The following ATAD2 variants were observed in gnomAD, a reference collection of about 807,000 sequenced individuals.
ATAD2 encodes ATPase family AAA domain containing 2.
ATAD2 carries 62 observed loss-of-function variants against 168.9 expected under a neutral mutation model. That is an observed-to-expected ratio of 0.37 (90% CI 0.30 to 0.45). The LOEUF (loss-of-function observed/expected upper bound fraction) is 0.45. Ranked by LOEUF, ATAD2 falls within the 20% of genes least tolerant of loss-of-function variation. The pLI, the probability that ATAD2 is intolerant of heterozygous loss-of-function variation, is 1.00. For missense variants in ATAD2, 1,419 were observed against 1,667.8 expected, an observed-to-expected ratio of 0.85 and a Z score of 2.60; for synonymous variants, 613 against 571.6, an observed-to-expected ratio of 1.07 and a Z score of -1.03.
At chr8:123,397,597 T>C (rs1377441629), upstream of ATAD2, among the ~76,000 whole-genome samples, 6 of 152,226 alleles carry the variant, frequency 3.9e-5, no homozygotes, top group African/African-American at 1.4e-4. Flanking sequence ...TTGATTTGGA[T>C]AACTACAGTT....
chr8:123,329,904 T>C (rs1827728920), intron 24 of ATAD2, among the ~76,000 whole-genome samples: 1 of 151,702 alleles, frequency 6.6e-6, no homozygotes, highest in African/African-American at 2.4e-5. Flanking sequence ...GCAGTAGTCC[T>C]GGAAAGAAGT....
chr8:123,365,611 CAG>C (rs1256328415), intron 8 of ATAD2, among the ~76,000 whole-genome samples: 2 of 152,064 alleles, frequency 1.3e-5, no homozygotes, highest in Admixed American at 6.6e-5. Flanking sequence ...ATAGAGAACT[CAG>C]AAATAAAATC....
intron 7 of ATAD2, 126 bp downstream of exon 7, chr8:123,369,695 C>T (rs1277849435): frequency 5.1e-6 from 4 of 781,334 alleles, no homozygotes; most frequent in Non-Finnish European, 8.1e-6. Context: ...GTAAAGACAA[C>T]AGTAATGAGT....
At chr8:123,334,654 T>C (rs1486192292) in intron 22 of ATAD2, among the ~76,000 whole-genome samples, 1 of 152,134 alleles carries the variant, frequency 6.6e-6, no homozygotes, top group African/African-American at 2.4e-5. Context: ...ATCAGTGTCA[T>C]TAGTGAACAA....
At chr8:123,344,779 C>G (rs1204603516) in intron 19 of ATAD2, 105 bp downstream of exon 19, 3 of 1,262,416 alleles carry the variant, frequency 2.4e-6, no homozygotes, top group Non-Finnish European at 2.3e-6. Flanking sequence ...AAAACTTATC[C>G]TTTTATTCAC....
chr8:123,371,615 C>A (rs1457870008), intron 4 of ATAD2, 55 bp downstream of exon 4: 2 of 1,482,280 alleles, frequency 1.3e-6, no homozygotes, highest in Non-Finnish European at 1.8e-6. Flanking sequence ...TGATTCCTCC[C>A]CAACAAAAAG....
intron 1 of ATAD2, among the ~76,000 whole-genome samples, chr8:123,387,300 T>C (rs1426305671): frequency 1.3e-5 from 2 of 152,156 alleles, no homozygotes; most frequent in African/African-American, 4.8e-5. Flanking sequence ...GAATGTATTA[T>C]ATTTAGGTTG....
Position 123,396,385 on chromosome 8 carries a change from G to A in ATAD2, c.-28C>T, listed in dbSNP as rs760632038. Reference sequence around the variant, plus strand: ...TCTCTCCCTACTGGCCTCGGCGTGCGCGACCGGAGAGAGATCCAGCTCCAG... The same window carrying A: ...TCTCTCCCTACTGGCCTCGGCGTGCACGACCGGAGAGAGATCCAGCTCCAG... On this transcript the variant is annotated 5_prime_UTR_variant, in exon 1 of 28. Coordinates refer to ENST00000287394, the MANE Select transcript of ATAD2 (RefSeq NM_014109.4). The A allele has an allele frequency of 2.9e-5, 45 of 1,542,380 alleles. No individual in the cohort carries two copies. In the East Asian group the frequency reaches 4.3e-4, roughly 15 times the overall value.
At chr8:123,383,546 C>T (rs1429969692) in intron 1 of ATAD2, among the ~76,000 whole-genome samples, 4 of 150,180 alleles carry the variant, frequency 2.7e-5, no homozygotes, top group South Asian at 4.2e-4. Flanking sequence ...CCGAGGCTGG[C>T]GGATCACCTG....
chr8:123,344,754 G>C (rs780331292), intron 19 of ATAD2, 130 bp downstream of exon 19: 1 of 971,536 alleles, frequency 1.0e-6, no homozygotes, highest in Non-Finnish European at 1.6e-6. Context: ...AGTTACCAAT[G>C]GTATATTTGA....
chr8:123,338,611 T>C (rs1198312857), intron 20 of ATAD2, among the ~76,000 whole-genome samples: 1 of 152,198 alleles, frequency 6.6e-6, no homozygotes, highest in African/African-American at 2.4e-5. Context: ...AGAGGCATAA[T>C]TATATCATTG....
intron 11 of ATAD2, 39 bp downstream of exon 11, chr8:123,359,182 A>G: frequency 1.4e-6 from 2 of 1,452,566 alleles, no homozygotes; most frequent in Non-Finnish European, 1.9e-6. Flanking sequence ...CAAGAATAGC[A>G]AAGATTTTCA....
Position 123,396,418 on chromosome 8 carries a change from C to T in ATAD2, c.-61G>A. The stretch of plus-strand genomic sequence containing the variant: ...AGAGAGATCCAGCTCCAGGCGCTCG[C>T]AGCTCTGGCTCTTCCGCGCTCCGAA... On this transcript the variant is annotated 5_prime_UTR_variant, in exon 1 of 28. Coordinates refer to ENST00000287394, the MANE Select transcript of ATAD2 (RefSeq NM_014109.4). 3 of 1,446,342 alleles carry T rather than the reference C, an allele frequency of 2.1e-6. No individual in the cohort carries two copies. Among genetic ancestry groups the T allele is most frequent in the Admixed American group, 2.5e-5 (1 of 40,342 alleles). The allele number at this position is 1,446,342 out of a possible 1,614,324, so 89.6% of individuals were successfully genotyped here.
At chr8:123,403,002 G>T (rs1408861874) in intron 1 of ATAD2, among the ~76,000 whole-genome samples, 1 of 152,130 alleles carries the variant, frequency 6.6e-6, no homozygotes, top group Non-Finnish European at 1.5e-5. Context: ...AATGTGACGA[G>T]GAAAGAGTTG....
Position 123,347,553 on chromosome 8 carries a change from T to C in ATAD2, c.1898-147A>G, listed in dbSNP as rs926927155. On this transcript the variant is annotated intron_variant, in intron 15 of 27. Coordinates refer to ENST00000287394, the MANE Select transcript of ATAD2 (RefSeq NM_014109.4). ...ATATTTAAGAGTAATAAGACCAAAA[T>C]CTCTTTTACCCAGTAAACTTATAGG... 1.5e-5 allele frequency: 12 copies of C among 797,780 alleles called. No individual in the cohort carries two copies. In the African/African-American group the frequency reaches 2.1e-4, roughly 14 times the overall value. The allele number at this position is 797,780 out of a possible 1,614,324, so 49.4% of individuals were successfully genotyped here.
At chr8:123,337,022 G>A (rs372787650) in intron 21 of ATAD2, among the ~76,000 whole-genome samples, 36 of 147,912 alleles carry the variant, frequency 2.4e-4, no homozygotes, top group African/African-American at 7.9e-4. Flanking sequence ...ACTCCAGCCT[G>A]GGCAACAGAG....
intron 1 of ATAD2, among the ~76,000 whole-genome samples, chr8:123,410,419 T>A (rs765774445): frequency 2.0e-5 from 3 of 152,174 alleles, no homozygotes; most frequent in Non-Finnish European, 2.9e-5. Flanking sequence ...CCCGAGTAGC[T>A]GGGATTACGG....
chr8:123,343,713 T>C (rs1828141360), intron 19 of ATAD2, among the ~76,000 whole-genome samples: 1 of 152,214 alleles, frequency 6.6e-6, no homozygotes, highest in Non-Finnish European at 1.5e-5. Flanking sequence ...TTTCATGTAC[T>C]TTACATTCTG....
intron 1 of ATAD2, among the ~76,000 whole-genome samples, chr8:123,406,642 C>T (rs1472697664): frequency 2.0e-5 from 3 of 151,748 alleles, no homozygotes; most frequent in Admixed American, 6.6e-5. Context: ...CATGGTGAAG[C>T]CCCATCTCTA....
Sources: gnomAD v4.1 joint callset for allele counts (sites outside exome capture counted in the v4.1 genomes callset) on GRCh38, gnomAD v4.1.1 for gene constraint, MANE v1.5 for transcripts, NCBI Gene and HGNC (gene_info 2026-07-23, HGNC 2026-07-21) for gene names.